PCGF3: variants seen among roughly 807,000 people sequenced by gnomAD.
PCGF3 encodes polycomb group RING finger protein 3.
A neutral mutation model predicts 33.1 loss-of-function variants in PCGF3; 7 were observed. The observed-to-expected ratio is 0.21, with a 90% confidence interval of 0.12 to 0.40. The LOEUF (loss-of-function observed/expected upper bound fraction) is 0.40. Among genes scored for constraint, PCGF3 ranks in the 10% least tolerant of loss-of-function variants. PCGF3 has a pLI of 1.00. For missense variants in PCGF3, 211 were observed against 313.3 expected (o/e 0.67, Z 2.46); for synonymous variants, 153 against 121.3 (o/e 1.26, Z -1.72).
At chr4:765,097 TC>T in intron 10 of PCGF3, 33 bp downstream of exon 10, 2 of 1,459,142 alleles carry the variant, frequency 1.4e-6, no homozygotes, top group Admixed American at 3.4e-5. Context: ...CAGAGTCTGC[TC>T]TGAATGGCAG....
At chr4:762,130 A>G in intron 9 of PCGF3, 3 of 972,072 alleles carry the variant, frequency 3.1e-6, no homozygotes, top group Non-Finnish European at 3.7e-6. Context: ...CCAGAAGATA[A>G]GCCACATCCT....
At chr4:756,866 C>T (rs1744792258) in intron 8 of PCGF3, among the ~76,000 whole-genome samples, 1 of 152,168 alleles carries the variant, frequency 6.6e-6, no homozygotes, top group Non-Finnish European at 1.5e-5. Flanking sequence ...CTGAGACTGC[C>T]ATGGCGATGA....
chr4:761,965 CG>C (rs1745085886), intron 9 of PCGF3: 2 of 985,174 alleles, frequency 2.0e-6, no homozygotes, highest in Non-Finnish European at 2.4e-6. Context: ...GGTCTGGTGT[CG>C]TTTTTGAAAA....
intron 6 of PCGF3, among the ~76,000 whole-genome samples, chr4:741,181 C>T (rs1273290139): frequency 6.6e-6 from 1 of 152,176 alleles, no homozygotes; most frequent in East Asian, 1.9e-4. Flanking sequence ...AGCAATATTC[C>T]CTACTCACAG....
exon 11 of PCGF3, chr4:769,407 G>A (rs1311400344): frequency 6.5e-6 from 1 of 152,706 alleles, no homozygotes; most frequent in African/African-American, 2.4e-5. Context: ...TAAGTTTAGT[G>A]CACATAGCTA....
chr4:755,842 A>G (rs1302326821), intron 8 of PCGF3, among the ~76,000 whole-genome samples: 1 of 148,274 alleles, frequency 6.7e-6, no homozygotes, highest in Non-Finnish European at 1.5e-5. Context: ...TTATTTTACC[A>G]TTAAGTTGTG....
In PCGF3 at chr4:740,447, C is replaced by T. The variant is rs189599351; in HGVS notation, c.262+2926C>T. On this transcript the variant is annotated intron_variant, in intron 6 of 10. Coordinates refer to ENST00000362003, the Ensembl canonical transcript of PCGF3. ...ATTTATCAAAGTGTCCATTCTCAGTCTCAGCCCACTCTGGGCTCTTTCACT... is the reference window on the plus strand; with the variant it reads ...ATTTATCAAAGTGTCCATTCTCAGTTTCAGCCCACTCTGGGCTCTTTCACT... Among the ~76,000 whole-genome samples the T allele has an allele frequency of 6.7e-4, 102 of 152,288 alleles. 1 individual carries two copies. The highest frequency in any genetic ancestry group is 2.3e-3 in the African/African-American group (95 of 41,562).
intron 9 of PCGF3, among the ~76,000 whole-genome samples, chr4:764,172 T>C (rs1745227834): frequency 6.6e-6 from 1 of 152,120 alleles, no homozygotes; most frequent in Admixed American, 6.5e-5. Context: ...TGCAGGTTCC[T>C]GGGTGGTGAC....
At chr4:706,183 A>C (rs1000780599) in intron 1 of PCGF3, among the ~76,000 whole-genome samples, 2 of 151,468 alleles carry the variant, frequency 1.3e-5, no homozygotes, top group Non-Finnish European at 2.9e-5. Flanking sequence ...CCCAGGCAGG[A>C]CTCCGGGAGG....
chr4:743,718 G>A (rs1482208149), intron 7 of PCGF3, 134 bp downstream of exon 7: 8 of 615,218 alleles, frequency 1.3e-5, no homozygotes, highest in Admixed American at 1.1e-4. Context: ...GAGGGTGTGG[G>A]GCGGTTAGGG....
chr4:708,195 G>A (rs1014692063), intron 1 of PCGF3, among the ~76,000 whole-genome samples: 1 of 152,138 alleles, frequency 6.6e-6, no homozygotes, highest in Admixed American at 6.5e-5. Context: ...AGATGACCAG[G>A]ACCTCAAACG....
chr4:716,155 G>T (rs1354139801), intron 1 of PCGF3, among the ~76,000 whole-genome samples: 320 of 100,398 alleles, frequency 3.2e-3, no homozygotes, highest in Middle Eastern at 6.8e-3. Context: ...TGTAGACACT[G>T]AGTGTGAGAA....
At chr4:716,262 C>T (rs1449630789) in intron 1 of PCGF3, among the ~76,000 whole-genome samples, 3 of 126,654 alleles carry the variant, frequency 2.4e-5, no homozygotes, top group African/African-American at 6.0e-5. Flanking sequence ...AACTGGGCGT[C>T]GGTGCTGGGA....
At chr4:736,902 C>T (rs1166364933) in intron 5 of PCGF3, among the ~76,000 whole-genome samples, 1 of 62,886 alleles carries the variant, frequency 1.6e-5, no homozygotes, top group Admixed American at 1.5e-4. Flanking sequence ...TCTGCAGGGA[C>T]GGTGTCCCCT....
rs186279606 is a variant in PCGF3 at position 732,508 on chromosome 4, G to A, written c.-9-1164G>A. Reference sequence around the variant, plus strand: ...AAGTCTCTGTGACCAGGTGAGGACCGCAAGCGTAAAGGTGGTGGCAGAGTG... The same window carrying A: ...AAGTCTCTGTGACCAGGTGAGGACCACAAGCGTAAAGGTGGTGGCAGAGTG... On this transcript the variant is annotated intron_variant, in intron 3 of 10. Transcript: ENST00000362003. 431 of 152,964 alleles carry A rather than the reference G, an allele frequency of 2.8e-3. 3 individuals carry two copies. Among genetic ancestry groups the A allele is most frequent in the Non-Finnish European group, 3.6e-3 (244 of 68,506 alleles). 9.5% of individuals were successfully genotyped at this position (152,964 alleles called of 1,614,324 possible).
At chr4:753,547 G>T (rs1453996124) in intron 8 of PCGF3, among the ~76,000 whole-genome samples, 1 of 152,088 alleles carries the variant, frequency 6.6e-6, no homozygotes, top group African/African-American at 2.4e-5. Context: ...GGAGGCTGAG[G>T]CAGGATAATG....
chr4:748,199 G>T (rs1054778541), intron 8 of PCGF3, among the ~76,000 whole-genome samples: 9 of 143,694 alleles, frequency 6.3e-5, no homozygotes, highest in Non-Finnish European at 9.3e-5. Flanking sequence ...CACGTCTAGA[G>T]AACTTTTTTT....
At chr4:748,164 A>G (rs978948111) in intron 8 of PCGF3, among the ~76,000 whole-genome samples, 3 of 152,294 alleles carry the variant, frequency 2.0e-5, no homozygotes, top group East Asian at 3.9e-4. Flanking sequence ...AGATGCAGTA[A>G]AAGAATTTGA....
At chr4:765,712 G>T (rs1305804210) in intron 10 of PCGF3, among the ~76,000 whole-genome samples, 1 of 152,150 alleles carries the variant, frequency 6.6e-6, no homozygotes, top group East Asian at 1.9e-4. Flanking sequence ...CTGGCCTGGG[G>T]CTGGGCCAGA....
Sources: gnomAD v4.1 joint callset for allele counts (sites outside exome capture counted in the v4.1 genomes callset) on GRCh38, gnomAD v4.1.1 for gene constraint, MANE v1.5 for transcripts, NCBI Gene and HGNC (gene_info 2026-07-23, HGNC 2026-07-21) for gene names.